Variants in USH2A observed in about 807,000 individuals in gnomAD.
USH2A encodes the protein usherin.
Under a neutral mutation model 538.9 loss-of-function variants are expected in USH2A, and 443 were observed. The ratio of observed to expected loss-of-function variants is 0.82; its 90% confidence interval spans 0.76 to 0.89. The LOEUF is 0.89. Among genes scored for constraint, USH2A ranks in the 40% least tolerant of loss-of-function variants. The probability of loss-of-function intolerance (pLI) is 0.00; values close to 1 mark genes in which losing one functional copy is unlikely to be tolerated. For synonymous variants in USH2A, 2,413 were observed against 2,273.5 expected, an observed-to-expected ratio of 1.06 and a Z score of -1.75; for missense variants, 6,633 against 6,324.8, an observed-to-expected ratio of 1.05 and a Z score of -1.65.
chr1:215,904,477 C>T (rs1665582124), intron 38 of USH2A, among the ~76,000 whole-genome samples: 1 of 152,036 alleles, frequency 6.6e-6, no homozygotes, highest in Admixed American at 6.6e-5. Flanking sequence ...ACACTGAATT[C>T]TGGAAACCTT....
chr1:216,187,292 A>G (rs1293757324), intron 20 of USH2A, among the ~76,000 whole-genome samples: 1 of 151,874 alleles, frequency 6.6e-6, no homozygotes. Context: ...CCTTAACCCA[A>G]ATGCTGAGTA....
intron 35 of USH2A, 124 bp from the exon 36 acceptor site, chr1:215,970,900 T>C: frequency 2.0e-6 from 2 of 978,226 alleles, no homozygotes; most frequent in Admixed American, 1.8e-5. Flanking sequence ...GACTCTGGTA[T>C]TTCTCCTTGT....
intron 46 of USH2A, among the ~76,000 whole-genome samples, chr1:215,839,359 T>C (rs1663614013): frequency 6.6e-6 from 1 of 152,206 alleles, no homozygotes; most frequent in Admixed American, 6.5e-5. Context: ...AATATTATAA[T>C]GGATATATGC....
At chr1:216,390,041 C>T (rs562489507) in intron 3 of USH2A, among the ~76,000 whole-genome samples, 4 of 152,018 alleles carry the variant, frequency 2.6e-5, no homozygotes, top group African/African-American at 7.2e-5. Flanking sequence ...AGAAAGTATG[C>T]CAGTAAATGT....
In USH2A at chr1:215,675,035, A is replaced by G. The variant is rs762246558; in HGVS notation, c.12876T>C (p.Asn4292=). 8.7e-6 allele frequency: 14 copies of G among 1,614,100 alleles called. No homozygotes were observed. The highest frequency in any genetic ancestry group is 1.2e-5 in the Non-Finnish European group (14 of 1,180,036). The part of the protein sequence containing the change: ...LISWIPPEQS[N]GIIQSYRLQR... The stretch of plus-strand genomic sequence containing the variant: ...GAAGCCTATAGGACTGGATAATACC[A>G]TTAGACTGTTCTGGTGGGATCCAGG... The change falls in exon 63 of 72, where the codon AAT becomes AAC. Residue 4292 remains asparagine, a synonymous_variant. Coordinates refer to ENST00000307340, the MANE Select transcript of USH2A (RefSeq NM_206933.4).
intron 21 of USH2A, among the ~76,000 whole-genome samples, chr1:216,150,109 C>A (rs1015636025): frequency 6.6e-6 from 1 of 152,042 alleles, no homozygotes; most frequent in Non-Finnish European, 1.5e-5. Flanking sequence ...GGCCGAGCCC[C>A]AAAAAACTAG....
intron 11 of USH2A, among the ~76,000 whole-genome samples, chr1:216,261,745 C>G (rs762721245): frequency 3.9e-4 from 59 of 152,066 alleles, no homozygotes; most frequent in Non-Finnish European, 5.4e-4. Flanking sequence ...AGTTCCAGAA[C>G]CAGCTGATCC....
intron 43 of USH2A, among the ~76,000 whole-genome samples, chr1:215,876,470 G>T (rs1664778322): frequency 6.6e-6 from 1 of 152,184 alleles, no homozygotes; most frequent in Admixed American, 6.5e-5. Context: ...ATTAATTCTT[G>T]ATTGAGCTAA....
intron 32 of USH2A, 34 bp from the exon 33 acceptor site, chr1:216,000,596 C>A (rs1328375248): frequency 1.2e-6 from 2 of 1,611,486 alleles, no homozygotes; most frequent in South Asian, 1.1e-5. Context: ...ATTTACTCAG[C>A]ATTATACTTC....
intron 21 of USH2A, among the ~76,000 whole-genome samples, chr1:216,125,084 C>A (rs2033221494): frequency 6.6e-6 from 1 of 152,116 alleles, no homozygotes; most frequent in Admixed American, 6.6e-5. Context: ...ATAGAACTAA[C>A]AATTTTTATA....
At chr1:216,240,107 G>C (rs750377377) in intron 13 of USH2A, among the ~76,000 whole-genome samples, 22 of 150,992 alleles carry the variant, frequency 1.5e-4, no homozygotes, top group Non-Finnish European at 2.8e-4. Context: ...TGGAGAGCCC[G>C]ACAATAAGCT....
intron 44 of USH2A, among the ~76,000 whole-genome samples, chr1:215,862,881 C>T (rs1664356757): frequency 6.6e-6 from 1 of 152,122 alleles, no homozygotes; most frequent in Non-Finnish European, 1.5e-5. Flanking sequence ...TTAAGTATCC[C>T]TGATCCCAAA....
chr1:216,397,994 T>C (rs143450180), intron 3 of USH2A, among the ~76,000 whole-genome samples: 9 of 152,332 alleles, frequency 5.9e-5, no homozygotes, highest in African/African-American at 2.2e-4. Flanking sequence ...TTGATCTGAA[T>C]AGACTTCGCA....
chr1:215,794,185 T>A (rs1186131709), intron 50 of USH2A, among the ~76,000 whole-genome samples: 1 of 152,172 alleles, frequency 6.6e-6, no homozygotes, highest in African/African-American at 2.4e-5. Flanking sequence ...TCCAACAGCA[T>A]CTGTTAATTC....
chr1:215,627,381 C>CTTCT (rs1459601020), intron 71 of USH2A, among the ~76,000 whole-genome samples: 1 of 136,650 alleles, frequency 7.3e-6, no homozygotes, highest in Non-Finnish European at 1.6e-5. Flanking sequence ...CCCTCCCTTC[C>CTTCT]TTCTTTCCTT....
At chr1:215,665,007 T>C (rs758056431) in intron 64 of USH2A, among the ~76,000 whole-genome samples, 2 of 152,190 alleles carry the variant, frequency 1.3e-5, no homozygotes, top group Non-Finnish European at 2.9e-5. Flanking sequence ...CCAGAAGTAG[T>C]GAGAGAAGGA....
intron 58 of USH2A, among the ~76,000 whole-genome samples, chr1:215,757,922 C>T (rs1480787328): frequency 2.6e-5 from 4 of 152,162 alleles, no homozygotes; most frequent in African/African-American, 7.2e-5. Context: ...TGTCAATGAT[C>T]CAATCTAAGG....
chr1:215,867,462 T>C (rs1189291907), intron 43 of USH2A, among the ~76,000 whole-genome samples: 2 of 152,216 alleles, frequency 1.3e-5, no homozygotes, highest in African/African-American at 4.8e-5. Flanking sequence ...TTTCTTATTC[T>C]TATTGTTTTC....
chr1:216,207,536 T>C, intron 15 of USH2A, 105 bp from the exon 16 acceptor site: 1 of 1,398,702 alleles, frequency 7.1e-7, no homozygotes, highest in South Asian at 1.2e-5. Flanking sequence ...TCAGGATTGC[T>C]TTATCAAGAA....
Sources: allele counts gnomAD v4.1 joint callset (sites outside exome capture counted in the v4.1 genomes callset), GRCh38; gene constraint gnomAD v4.1.1; transcripts MANE v1.5; gene names NCBI Gene and HGNC (gene_info 2026-07-23, HGNC 2026-07-21).